FMNL3: variants seen among roughly 807,000 people sequenced by gnomAD.
The protein encoded by FMNL3 is formin-like protein 3.
Under a neutral mutation model 119.6 loss-of-function variants are expected in FMNL3, and 57 were observed. That is an observed-to-expected ratio of 0.48 (90% CI 0.39 to 0.59). The LOEUF (loss-of-function observed/expected upper bound fraction) is 0.59. Ranked by LOEUF, FMNL3 falls within the 20% of genes least tolerant of loss-of-function variation. The pLI is 0.00. For missense variants in FMNL3, 1,053 were observed against 1,323.5 expected, an observed-to-expected ratio of 0.80 and a Z score of 3.17; for synonymous variants, 491 against 507.3, an observed-to-expected ratio of 0.97 and a Z score of 0.43.
At chr12:49,660,261 T>G (rs558772665) in intron 5 of FMNL3, among the ~76,000 whole-genome samples, 1 of 152,220 alleles carries the variant, frequency 6.6e-6, no homozygotes, top group East Asian at 1.9e-4. Context: ...AAAAACAGAG[T>G]CAAAGGTATT....
intron 1 of FMNL3, among the ~76,000 whole-genome samples, chr12:49,672,264 G>A (rs17123865): frequency 0.081 from 12,345 of 152,000 alleles, 533 homozygotes; most frequent in Middle Eastern, 0.14. Context: ...AAGACTAGGC[G>A]CCAATTTTGG....
intron 1 of FMNL3, among the ~76,000 whole-genome samples, chr12:49,696,866 G>A (rs1221995805): frequency 1.3e-5 from 2 of 152,184 alleles, no homozygotes; most frequent in East Asian, 3.8e-4. Context: ...TCTTACCAAG[G>A]ATCAAGAGTA....
At chr12:49,688,537 C>T in intron 1 of FMNL3, 1 of 455,962 alleles carries the variant, frequency 2.2e-6, no homozygotes, top group Non-Finnish European at 4.4e-6. Flanking sequence ...CTTTTCCACC[C>T]CAGGGCTTTG....
At position 49,648,083 on chromosome 12, in the gene FMNL3, T is replaced by A. The variant is rs1024351926; in HGVS notation, c.2676+110A>T. On this transcript the variant is annotated intron_variant, in intron 22 of 25. Transcript: ENST00000335154. ...CAAAGCGCTCTCTCTCCCCTACATGTAGCCAGCCAGCTGCTTGATTTAAAA... is the reference window on the plus strand; with the variant it reads ...CAAAGCGCTCTCTCTCCCCTACATGAAGCCAGCCAGCTGCTTGATTTAAAA... 3.0e-6 allele frequency: 4 copies of A among 1,352,842 alleles called. No individual in the cohort carries two copies. The Admixed American group carries it at 7.7e-5, about 26-fold the overall frequency. The allele number at this position is 1,352,842 out of a possible 1,614,324, so 83.8% of individuals were successfully genotyped here.
At chr12:49,677,900 T>C (rs1944233145) in intron 1 of FMNL3, among the ~76,000 whole-genome samples, 1 of 152,240 alleles carries the variant, frequency 6.6e-6, no homozygotes, top group South Asian at 2.1e-4. Context: ...TCTCGCTCTG[T>C]TGCCTAGGCT....
At chr12:49,648,130 G>A in intron 22 of FMNL3, 63 bp downstream of exon 22, 1 of 1,516,866 alleles carries the variant, frequency 6.6e-7, no homozygotes, top group Non-Finnish European at 8.8e-7. Context: ...TAGAACTAGG[G>A]CCACCTAGAG....
chr12:49,639,783 A>C lies in FMNL3; in HGVS notation c.*6032T>G, dbSNP rs897282265. ...GGGAAAGGAAGGAATCAGAGGTGTC[A>C]GGGCAGTGGATGATGGCACTATTGA... is the stretch of plus-strand genomic sequence containing the variant. On this transcript the variant is annotated 3_prime_UTR_variant, in exon 26 of 26. Transcript: ENST00000335154. 2 of 152,224 alleles carry C rather than the reference A, an allele frequency of 1.3e-5. No homozygotes were observed. The highest frequency in any genetic ancestry group is 2.9e-5 in the Non-Finnish European group (2 of 68,034). The allele number at this position is 152,224 out of a possible 1,614,324, so 9.4% of individuals were successfully genotyped here. A position where few individuals can be genotyped will look rare whatever the true frequency, so the allele number is the denominator to read the frequency against.
chr12:49,651,775 C>T (rs1289820105), intron 14 of FMNL3, among the ~76,000 whole-genome samples, 158 bp downstream of exon 14: 1 of 152,220 alleles, frequency 6.6e-6, no homozygotes, highest in East Asian at 1.9e-4. Context: ...TTGAGCTTCC[C>T]TCAGATTCCA....
At position 49,707,188 on chromosome 12, in the gene FMNL3, G is replaced by A. The variant is rs1031152140; in HGVS notation, c.-8C>T. On this transcript the variant is annotated 5_prime_UTR_variant, in exon 1 of 26. Coordinates refer to ENST00000335154, the MANE Select transcript of FMNL3 (RefSeq NM_175736.5). ...GCTCTCCAGGTTGCCCATCGCGGCG[G>A]GGCCCCCTCAGGGGCCTCGGCCCCC... The A allele has an allele frequency of 3.2e-6, 5 of 1,538,580 alleles. No homozygotes were observed. The Admixed American group carries it at 6.1e-5, about 19-fold the overall frequency.
Position 49,643,352 on chromosome 12 carries a change from GC to G in FMNL3, c.*2462del. ...TGATTCAGTTGAAAGTGGGGGTGCT[GC>G]CCTTGGAGGACGGGGCTCCCCTTCC... On this transcript the variant is annotated 3_prime_UTR_variant, in exon 26 of 26. Transcript: ENST00000335154. The G allele has an allele frequency of 6.3e-7, 1 of 1,596,168 alleles. No homozygotes were observed. Among genetic ancestry groups the G allele is most frequent in the Non-Finnish European group, 8.5e-7 (1 of 1,171,624 alleles).
In FMNL3 at chr12:49,637,908, T is replaced by C; in HGVS notation, c.*7907A>G. ...GAGGACTCCCTGATAAGTCCTGTTTTGCAGAAGCATTACAGCTTGGTTCAG... is the reference window on the plus strand; with the variant it reads ...GAGGACTCCCTGATAAGTCCTGTTTCGCAGAAGCATTACAGCTTGGTTCAG... On this transcript the variant is annotated 3_prime_UTR_variant, in exon 26 of 26. Transcript: ENST00000335154. 8.8e-7 allele frequency: 1 copy of C among 1,133,472 alleles called. No individual in the cohort carries two copies. The highest frequency in any genetic ancestry group is 1.3e-6 in the Non-Finnish European group (1 of 761,376). 70.2% of individuals were successfully genotyped at this position (1,133,472 alleles called of 1,614,324 possible).
intron 6 of FMNL3, 84 bp downstream of exon 6, chr12:49,658,358 G>A (rs1211206184): frequency 1.0e-5 from 15 of 1,481,244 alleles, no homozygotes; most frequent in Admixed American, 7.1e-5. Flanking sequence ...GTGGAGGGAG[G>A]AGCATGAGCA....
chr12:49,704,710 CAAAAAAAAAAAAAA>C (rs59799899), intron 1 of FMNL3, among the ~76,000 whole-genome samples: 2 of 37,778 alleles, frequency 5.3e-5, no homozygotes, highest in African/African-American at 1.1e-4. Flanking sequence ...AACTCCATCT[CAAAAAAAAAAAAAA>C]AAAAAAAAAA....
intron 1 of FMNL3, among the ~76,000 whole-genome samples, chr12:49,690,100 TCCCACATTA>T (rs1944563391): frequency 6.6e-6 from 1 of 152,196 alleles, no homozygotes; most frequent in Non-Finnish European, 1.5e-5. Flanking sequence ...CAAACAGTAT[TCCCACATTA>T]CAGATAAAAT....
At position 49,645,536 on chromosome 12, in the gene FMNL3, A is replaced by G. The variant is rs61743541; in HGVS notation, c.*279T>C. 9.6e-5 allele frequency: 42 copies of G among 435,278 alleles called. No homozygotes were observed. Among genetic ancestry groups the G allele is most frequent in the African/African-American group, 7.5e-4 (36 of 48,176 alleles). The allele number at this position is 435,278 out of a possible 1,614,324, so 27.0% of individuals were successfully genotyped here. A position where few individuals can be genotyped will look rare whatever the true frequency, so the allele number is the denominator to read the frequency against. On this transcript the variant is annotated 3_prime_UTR_variant, in exon 26 of 26. Coordinates refer to ENST00000335154, the MANE Select transcript of FMNL3 (RefSeq NM_175736.5). ...AGATCTATGTGCCCTGTTTAGGCTA[A>G]GGCTGGAAATGGTTTTTCCTAGCCC...
intron 1 of FMNL3, among the ~76,000 whole-genome samples, chr12:49,692,077 G>C (rs1459433144): frequency 6.6e-6 from 1 of 150,532 alleles, no homozygotes; most frequent in Non-Finnish European, 1.5e-5. Context: ...GTCTGGCTGG[G>C]CACAGTGGTT....
At chr12:49,687,773 A>G (rs1274832133) in intron 1 of FMNL3, among the ~76,000 whole-genome samples, 1 of 152,184 alleles carries the variant, frequency 6.6e-6, no homozygotes, top group Non-Finnish European at 1.5e-5. Flanking sequence ...CTCTGCTTCC[A>G]TCCTAGTGGG....
At chr12:49,673,760 C>T (rs560870397) in intron 1 of FMNL3, among the ~76,000 whole-genome samples, 50 of 152,386 alleles carry the variant, frequency 3.3e-4, no homozygotes, top group Admixed American at 7.2e-4. Context: ...CCACCCAGCC[C>T]GCCCAGACGG....
Position 49,650,760 on chromosome 12 carries a change from AAC to A in FMNL3, c.1914_1915del (p.Leu639GlyfsTer20). On this transcript the variant is annotated frameshift_variant, in exon 17 of 26. Coordinates refer to ENST00000335154, the MANE Select transcript of FMNL3 (RefSeq NM_175736.5). LOFTEE classifies it high-confidence loss of function. Reference sequence around the variant, plus strand: ...CAGGTTCTTGGCACGATTGGCTTCCAACAGAGTCACCTTGCTGGCAGCTTTTT... The same window carrying A: ...CAGGTTCTTGGCACGATTGGCTTCCAAGAGTCACCTTGCTGGCAGCTTTTT... The A allele has an allele frequency of 6.2e-7, 1 of 1,614,224 alleles. No homozygotes were observed. Among genetic ancestry groups the A allele is most frequent in the Non-Finnish European group, 8.5e-7 (1 of 1,180,034 alleles).
Sources: allele counts gnomAD v4.1 joint callset (sites outside exome capture counted in the v4.1 genomes callset), GRCh38; gene constraint gnomAD v4.1.1; transcripts MANE v1.5; gene names NCBI Gene and HGNC (gene_info 2026-07-23, HGNC 2026-07-21).